Variants in MICU1 observed in about 807,000 individuals in gnomAD.
MICU1 encodes the protein calcium uptake protein 1, mitochondrial.
A neutral mutation model predicts 56.8 loss-of-function variants in MICU1; 45 were observed. The ratio of observed to expected loss-of-function variants is 0.79; its 90% CI spans 0.62 to 1.02. The LOEUF is 1.02. Among genes scored for constraint, MICU1 ranks in the 50% least tolerant of loss-of-function variants. The probability of loss-of-function intolerance (pLI) is 0.00; values close to 1 mark genes in which losing one functional copy is unlikely to be tolerated. For missense variants in MICU1, 504 were observed against 587.1 expected, an observed-to-expected ratio of 0.86 and a Z score of 1.46; for synonymous variants, 186 against 195.1, an observed-to-expected ratio of 0.95 and a Z score of 0.39.
In MICU1 at chr10:72,533,775, G is replaced by A. The variant is rs779752327; in HGVS notation, c.508C>T (p.Gln170Ter). The change falls in exon 5 of 12, where the codon CAA becomes TAA. Residue 170 changes from glutamine (Q) to a stop codon, truncating the protein, a stop_gained. Transcript: ENST00000361114. LOFTEE classifies it high-confidence loss of function. ...EKQPEHLGLDQYIIKRFDGKK... is the reference protein window; with the variant it reads ...EKQPEHLGLD Reference sequence around the variant, plus strand: ...CCATCAAAGCGTTTTATTATATATTGATCCAGACCCAAGTCTGTAAAAGAA... The same window carrying A: ...CCATCAAAGCGTTTTATTATATATTAATCCAGACCCAAGTCTGTAAAAGAA... 1 of 1,599,278 alleles carries A rather than the reference G, an allele frequency of 6.3e-7. No homozygotes were observed. The highest frequency in any genetic ancestry group is 1.1e-5 in the South Asian group (1 of 88,554).
At chr10:72,411,331 CTT>C (rs1170548958) in intron 9 of MICU1, among the ~76,000 whole-genome samples, 9 of 142,902 alleles carry the variant, frequency 6.3e-5, no homozygotes, top group Admixed American at 1.4e-4. Flanking sequence ...TTTTACTTTT[CTT>C]TTTTTTTTTT....
chr10:72,465,309 G>GTT lies in MICU1; in HGVS notation c.933+9789_933+9790dup, dbSNP rs58604429. Among the ~76,000 whole-genome samples the GTT allele has an allele frequency of 5.7e-3, 694 of 121,798 alleles. 10 individuals are homozygous for GTT. The highest frequency in any genetic ancestry group is 0.011 in the South Asian group (42 of 3,654). The allele number at this position is 121,798 out of a possible 152,430, so 79.9% of individuals were successfully genotyped here. ...CACCATGCCCAGCCCATAGTTTTTT[G>GTT]TTTTTTTTTTTTTTTTTGGTAAAAA... On this transcript the variant is annotated intron_variant, in intron 8 of 11. Transcript: ENST00000361114.
At chr10:72,510,577 GCA>G (rs1240603937) in intron 5 of MICU1, among the ~76,000 whole-genome samples, 2 of 151,976 alleles carry the variant, frequency 1.3e-5, no homozygotes, top group South Asian at 2.1e-4. Flanking sequence ...ATAATTTATA[GCA>G]CAGTGTATAT....
intron 4 of MICU1, among the ~76,000 whole-genome samples, chr10:72,543,195 C>T (rs1203128114): frequency 6.6e-6 from 1 of 152,196 alleles, no homozygotes; most frequent in Admixed American, 6.5e-5. Context: ...CCTGCCCTGT[C>T]TGCCTAGAAT....
At chr10:72,587,697 T>C (rs1841102269) in intron 1 of MICU1, among the ~76,000 whole-genome samples, 2 of 151,996 alleles carry the variant, frequency 1.3e-5, no homozygotes, top group African/African-American at 4.8e-5. Flanking sequence ...GGCATGAGAA[T>C]GGCTTGAGCC....
chr10:72,388,576 T>C (rs1231207877), intron 10 of MICU1, among the ~76,000 whole-genome samples: 2 of 152,030 alleles, frequency 1.3e-5, no homozygotes, highest in Admixed American at 1.3e-4. Context: ...CAGACAATTG[T>C]AGGGGAAAAA....
intron 8 of MICU1, among the ~76,000 whole-genome samples, chr10:72,468,294 CTTTTTT>C (rs35225891): frequency 7.3e-6 from 1 of 136,650 alleles, no homozygotes; most frequent in Non-Finnish European, 1.6e-5. Flanking sequence ...TTAGTTTTTG[CTTTTTT>C]TTTTTTTTTT....
At chr10:72,579,781 A>C (rs184818079) in intron 1 of MICU1, among the ~76,000 whole-genome samples, 1 of 152,300 alleles carries the variant, frequency 6.6e-6, no homozygotes, top group Admixed American at 6.5e-5. Flanking sequence ...CAGTGTATAT[A>C]AACTTTGTCT....
rs146133595 is a variant in MICU1 at position 72,596,603 on chromosome 10, G to T, written c.-2+29407C>A. Among the ~76,000 whole-genome samples the T allele has an allele frequency of 2.5e-4, 38 of 152,168 alleles. No homozygotes were observed. In the East Asian group the frequency reaches 7.3e-3, roughly 29 times the overall value. ...ATCCAACACAGGGCCAGGTACAGTG[G>T]CTCACACCTGTAATCCCCAGCACTT... On this transcript the variant is annotated intron_variant, in intron 1 of 11. Coordinates refer to ENST00000361114, the MANE Select transcript of MICU1 (RefSeq NM_001195518.2).
At chr10:72,485,513 C>T (rs962290430) in intron 6 of MICU1, among the ~76,000 whole-genome samples, 4 of 151,238 alleles carry the variant, frequency 2.6e-5, no homozygotes, top group African/African-American at 9.7e-5. Context: ...ATCCTCCCAA[C>T]CATTCTGTGA....
At chr10:72,458,702 CTGTTTTT>C (rs1226930615) in intron 8 of MICU1, among the ~76,000 whole-genome samples, 1 of 85,322 alleles carries the variant, frequency 1.2e-5, no homozygotes, top group Non-Finnish European at 2.6e-5. Context: ...AATGCGGTTC[CTGTTTTT>C]TTTTTTTTTT....
At chr10:72,606,501 G>T (rs553482956) in intron 1 of MICU1, among the ~76,000 whole-genome samples, 1 of 151,464 alleles carries the variant, frequency 6.6e-6, no homozygotes, top group Non-Finnish European at 1.5e-5. Context: ...CAACAAGAGC[G>T]AAATGATGTC....
chr10:72,512,409 C>G (rs1867500763), intron 5 of MICU1, among the ~76,000 whole-genome samples: 2 of 151,978 alleles, frequency 1.3e-5, no homozygotes, highest in African/African-American at 2.4e-5. Context: ...GCCTGGCCCC[C>G]ATACACAGCT....
intron 1 of MICU1, among the ~76,000 whole-genome samples, chr10:72,624,815 A>T (rs1336852090): frequency 6.6e-6 from 1 of 152,208 alleles, no homozygotes; most frequent in Non-Finnish European, 1.5e-5. Flanking sequence ...GACAAAGAGT[A>T]GCTGGAGGCA....
chr10:72,393,414 C>T (rs1278140505), intron 10 of MICU1, among the ~76,000 whole-genome samples: 1 of 152,164 alleles, frequency 6.6e-6, no homozygotes, highest in Non-Finnish European at 1.5e-5. Flanking sequence ...GAGCTAAATA[C>T]ATGGAGATCC....
At chr10:72,614,048 G>A (rs1484979963) in intron 1 of MICU1, among the ~76,000 whole-genome samples, 2 of 152,078 alleles carry the variant, frequency 1.3e-5, no homozygotes, top group Non-Finnish European at 2.9e-5. Flanking sequence ...GGAGGCTGAG[G>A]CAGAAGAATT....
intron 9 of MICU1, among the ~76,000 whole-genome samples, chr10:72,421,341 C>T (rs960395072): frequency 5.9e-5 from 9 of 151,820 alleles, no homozygotes; most frequent in Admixed American, 5.3e-4. Flanking sequence ...CTGCAACCTC[C>T]GCCTCCCTCT....
chr10:72,478,946 G>A (rs1866204639), intron 6 of MICU1, among the ~76,000 whole-genome samples: 6 of 152,152 alleles, frequency 3.9e-5, no homozygotes. Context: ...TTCAATTGCT[G>A]GGAAGGATGC....
At chr10:72,470,368 C>G (rs142155636) in intron 8 of MICU1, among the ~76,000 whole-genome samples, 4 of 152,328 alleles carry the variant, frequency 2.6e-5, no homozygotes, top group Non-Finnish European at 4.4e-5. Flanking sequence ...CGTCCATTTT[C>G]TGCTGGTATA....
Sources: allele counts gnomAD v4.1 joint callset (sites outside exome capture counted in the v4.1 genomes callset), GRCh38; gene constraint gnomAD v4.1.1; transcripts MANE v1.5; gene names NCBI Gene and HGNC (gene_info 2026-07-23, HGNC 2026-07-21).